The following PICK1 variants were observed in gnomAD, a reference collection of about 807,000 sequenced individuals.
The protein encoded by PICK1 is protein interacting with PRKCA 1.
Under a neutral mutation model 48.9 loss-of-function variants are expected in PICK1, and 23 were observed. That is an observed-to-expected ratio of 0.47 (90% CI 0.34 to 0.67). PICK1 has a LOEUF of 0.67. Ranked by LOEUF, PICK1 falls within the 30% of genes least tolerant of loss-of-function variation. The pLI is 0.01. For synonymous variants in PICK1, 217 were observed against 228.2 expected (o/e 0.95, Z 0.44); for missense variants, 423 against 557.1 (o/e 0.76, Z 2.42).
intron 3 of PICK1, 49 bp from the exon 4 acceptor site, chr22:38,064,953 A>G: frequency 1.2e-6 from 2 of 1,610,460 alleles, no homozygotes; most frequent in African/African-American, 1.3e-5. Context: ...CCCAGGTTCC[A>G]TCTTAGCCCT....
intron 8 of PICK1, 98 bp downstream of exon 8, chr22:38,071,842 A>G: frequency 9.6e-7 from 1 of 1,039,158 alleles, no homozygotes; most frequent in Non-Finnish European, 1.5e-6. Context: ...GCCTGACCTC[A>G]GGCTCCCTCT....
rs907868873 is a variant in PICK1 at position 38,057,733 on chromosome 22, C to T, written c.-57-20C>T. On this transcript the variant is annotated intron_variant, in intron 1 of 12. Coordinates refer to ENST00000356976, the MANE Select transcript of PICK1 (RefSeq NM_012407.4). ...ACTTGGGTTCCTTAAATCCTATGCT[C>T]CTTTCTCTCCCGGATCCAGTTCCCC... The T allele has an allele frequency of 6.0e-6, 8 of 1,343,950 alleles. No homozygotes were observed. The African/African-American group carries it at 1.2e-4, about 19-fold the overall frequency. The allele number at this position is 1,343,950 out of a possible 1,614,324, so 83.3% of individuals were successfully genotyped here.
In PICK1 at chr22:38,060,040, C is replaced by T. The variant is rs567444653; in HGVS notation, c.153+695C>T. Among the ~76,000 whole-genome samples, 27 of 152,266 alleles carry T rather than the reference C, an allele frequency of 1.8e-4. No individual in the cohort carries two copies. In the East Asian group the frequency reaches 2.1e-3, roughly 12 times the overall value. ...CAGCCTGGCCAACATGGTGAAACCC[C>T]GTCTCTACTAAAATACAAAAATTAG... On this transcript the variant is annotated intron_variant, in intron 3 of 12. Transcript: ENST00000356976.
Position 38,073,728 on chromosome 22 carries a change from G to T in PICK1, c.784-45G>T, listed in dbSNP as rs931822280. The T allele has an allele frequency of 6.3e-7, 1 of 1,577,592 alleles. No homozygotes were observed. The highest frequency in any genetic ancestry group is 8.7e-7 in the Non-Finnish European group (1 of 1,147,866). ...GATGGGGGTGGAGCTGGGGACCTGGGGTGGGGGTAGTAGCCACTCTGACAG... is the reference window on the plus strand; with the variant it reads ...GATGGGGGTGGAGCTGGGGACCTGGTGTGGGGGTAGTAGCCACTCTGACAG... On this transcript the variant is annotated intron_variant, in intron 10 of 12. Transcript: ENST00000356976. The surrounding 1 kb of genome is among the most constrained non-coding windows in gnomAD (Gnocchi z 5.7).
intron 4 of PICK1, among the ~76,000 whole-genome samples, chr22:38,067,230 G>A (rs1461489186): frequency 2.0e-5 from 3 of 152,162 alleles, no homozygotes; most frequent in Admixed American, 6.5e-5. Context: ...AGGAAGGGAG[G>A]GGCCTGGGAT....
chr22:38,072,093 A>G lies in PICK1; in HGVS notation c.556+349A>G, dbSNP rs1184112079. The G allele has an allele frequency of 1.6e-5, 8 of 488,100 alleles. No homozygotes were observed. The East Asian group carries it at 3.1e-4, about 19-fold the overall frequency. The allele number at this position is 488,100 out of a possible 1,614,324, so 30.2% of individuals were successfully genotyped here. A position where few individuals can be genotyped will look rare whatever the true frequency, so the allele number is the denominator to read the frequency against. On this transcript the variant is annotated intron_variant, in intron 8 of 12. Coordinates refer to ENST00000356976, the MANE Select transcript of PICK1 (RefSeq NM_012407.4). ...AAGCCCAGACAAAGGAGAGGGCCAC[A>G]CTGCTCCCAAGTGGTGGAGCTGTTG...
intron 6 of PICK1, among the ~76,000 whole-genome samples, chr22:38,069,686 C>T (rs968323429): frequency 1.3e-5 from 2 of 152,164 alleles, no homozygotes; most frequent in Non-Finnish European, 2.9e-5. Flanking sequence ...ATAAATACTT[C>T]TAGAAATTGT....
chr22:38,070,846 G>C lies in PICK1; in HGVS notation c.448G>C (p.Val150Leu). ...TCTTTGAATCCCGACAGATGGGCTT[G>C]TCAAGAGGCTAGAGGAGCTGGAGCG... ...SRAILCNDGL[V>L]KRLEELERTA... The change falls in exon 7 of 13, where the codon GTC becomes CTC. Residue 150 changes from valine (V) to leucine (L), a missense_variant. This residue lies in a region of PICK1 where 279 missense variants were observed against 417.8 expected (regional missense o/e 0.67). Coordinates refer to ENST00000356976, the MANE Select transcript of PICK1 (RefSeq NM_012407.4). 1 of 1,614,016 alleles carries C rather than the reference G, an allele frequency of 6.2e-7. No individual in the cohort carries two copies.
rs2085816224 is a variant in PICK1 at position 38,075,341 on chromosome 22, C to G, written c.*209C>G. ...GCCTGGGACCTGGACACTGGCCCCT[C>G]CACCCTCCCTCCCCTCCCGGCTCCC... is the stretch of plus-strand genomic sequence containing the variant. On this transcript the variant is annotated 3_prime_UTR_variant, in exon 13 of 13. Coordinates refer to ENST00000356976, the MANE Select transcript of PICK1 (RefSeq NM_012407.4). The G allele has an allele frequency of 3.5e-6, 2 of 563,520 alleles. No individual in the cohort carries two copies. The highest frequency in any genetic ancestry group is 3.1e-5 in the Admixed American group (1 of 32,340). The allele number at this position is 563,520 out of a possible 1,614,324, so 34.9% of individuals were successfully genotyped here.
chr22:38,067,883 G>C, intron 5 of PICK1, 113 bp downstream of exon 5: 1 of 885,232 alleles, frequency 1.1e-6, no homozygotes, highest in Non-Finnish European at 1.9e-6. Flanking sequence ...GGAGAATCCA[G>C]AGTTACATGG....
chr22:38,060,851 C>T (rs540794479), intron 3 of PICK1, among the ~76,000 whole-genome samples: 62 of 150,770 alleles, frequency 4.1e-4, no homozygotes, highest in African/African-American at 1.4e-3. Flanking sequence ...TGGATTCAAA[C>T]GATTCTCATG....
rs2145887850 is a variant in PICK1 at position 38,075,098 on chromosome 22, C to T, written c.1214C>T (p.Pro405Leu). Residue 405 changes from proline (P) to leucine (L), a missense_variant, in exon 13 of 13, where the codon CCC becomes CTC. Transcript: ENST00000356976. ...AGGGATACACGAGGGGCTGCTGGGC[C>T]CTTGGACAAGGGTGGAAGCTGGTGT... ...PSRDTRGAAGPLDKGGSWCDS is the reference protein window; with the variant it reads ...PSRDTRGAAGLLDKGGSWCDS The T allele has an allele frequency of 6.2e-7, 1 of 1,612,408 alleles. No homozygotes were observed. Among genetic ancestry groups the T allele is most frequent in the East Asian group, 2.2e-5 (1 of 44,822 alleles).
chr22:38,059,522 GCT>G (rs1555951645), intron 3 of PICK1, among the ~76,000 whole-genome samples, 177 bp downstream of exon 3: 1 of 152,126 alleles, frequency 6.6e-6, no homozygotes, highest in Non-Finnish European at 1.5e-5. Context: ...CCCCTGTGTC[GCT>G]CTGTTTTTTT....
intron 3 of PICK1, among the ~76,000 whole-genome samples, chr22:38,064,104 C>G (rs1470019131): frequency 6.6e-6 from 1 of 152,084 alleles, no homozygotes; most frequent in Non-Finnish European, 1.5e-5. Context: ...GTTGCTCAGG[C>G]TGGAGTGCAG....
chr22:38,058,591 C>A (rs76435301), intron 2 of PICK1, among the ~76,000 whole-genome samples: 1 of 152,006 alleles, frequency 6.6e-6, no homozygotes, highest in East Asian at 1.9e-4. Flanking sequence ...TTATGGAGTG[C>A]CTGCTATGGA....
In PICK1 at chr22:38,073,724, C is replaced by T; in HGVS notation, c.784-49C>T. On this transcript the variant is annotated intron_variant, in intron 10 of 12. Transcript: ENST00000356976. The surrounding 1 kb of genome is among the most constrained non-coding windows in gnomAD (Gnocchi z 5.7). ...GGGTGATGGGGGTGGAGCTGGGGACCTGGGGTGGGGGTAGTAGCCACTCTG... is the reference window on the plus strand; with the variant it reads ...GGGTGATGGGGGTGGAGCTGGGGACTTGGGGTGGGGGTAGTAGCCACTCTG... The T allele has an allele frequency of 6.4e-7, 1 of 1,561,780 alleles. No individual in the cohort carries two copies.
At chr22:38,067,883 G>T (rs1403090431) in intron 5 of PICK1, 113 bp downstream of exon 5, 9 of 885,114 alleles carry the variant, frequency 1.0e-5, no homozygotes, top group Non-Finnish European at 1.7e-5. Context: ...GGAGAATCCA[G>T]AGTTACATGG....
rs770756613 is a variant in PICK1, at chr22:38,073,757, C to T, written c.784-16C>T. 121 of 1,612,516 alleles carry T rather than the reference C, an allele frequency of 7.5e-5. No homozygotes were observed. Among genetic ancestry groups the T allele is most frequent in the Non-Finnish European group, 9.9e-5 (117 of 1,179,210 alleles). ...GGGGTAGTAGCCACTCTGACAGCCT[C>T]ACCTGTCCCACACAGTCGTACTGCC... On this transcript the variant is annotated splice_polypyrimidine_tract_variant and intron_variant, in intron 10 of 12. Transcript: ENST00000356976. The surrounding 1 kb of genome is among the most constrained non-coding windows in gnomAD (Gnocchi z 5.7).
At position 38,072,905 on chromosome 22, in the gene PICK1, G is replaced by A. The variant is rs2085737264; in HGVS notation, c.691-95G>A. On this transcript the variant is annotated intron_variant, in intron 9 of 12. Transcript: ENST00000356976. ...GGAGCACCATCTGGCTCTGATAGTC[G>A]AGTCCACCAACAAGGGTGACGCATC... 3 of 900,862 alleles carry A rather than the reference G, an allele frequency of 3.3e-6. No individual in the cohort carries two copies. The South Asian group carries it at 3.9e-5, about 12-fold the overall frequency. The allele number at this position is 900,862 out of a possible 1,614,324, so 55.8% of individuals were successfully genotyped here.
Sources: allele counts gnomAD v4.1 joint callset (sites outside exome capture counted in the v4.1 genomes callset), GRCh38; gene constraint gnomAD v4.1.1; regional missense constraint gnomAD v4.1.1; non-coding constraint Gnocchi (gnomAD v3.1); transcripts MANE v1.5; gene names NCBI Gene and HGNC (gene_info 2026-07-23, HGNC 2026-07-21).